CCDC170: variants seen among roughly 807,000 people sequenced by gnomAD.
The protein encoded by CCDC170 is coiled-coil domain containing 170, also known as coiled-coil domain-containing protein 170.
In CCDC170, 69 loss-of-function variants were observed where a neutral mutation model predicts 72.6. The ratio of observed to expected loss-of-function variants is 0.95; its 90% CI spans 0.78 to 1.16. The LOEUF (loss-of-function observed/expected upper bound fraction) is 1.16, where lower values mean the gene tolerates loss of function less well. CCDC170 is among the 50% of genes most tolerant of loss of function. The pLI is 0.00. For missense variants in CCDC170, 852 were observed against 832.5 expected, an observed-to-expected ratio of 1.02 and a Z score of -0.29; for synonymous variants, 300 against 303.9, an observed-to-expected ratio of 0.99 and a Z score of 0.13.
chr6:151,529,324 A>T (rs1263571608), intron 1 of CCDC170, among the ~76,000 whole-genome samples: 2 of 152,178 alleles, frequency 1.3e-5, no homozygotes, highest in Non-Finnish European at 2.9e-5. Context: ...GTCAACAGGA[A>T]TTTATGGTTT....
intron 5 of CCDC170, among the ~76,000 whole-genome samples, chr6:151,559,719 C>G (rs1219237111): frequency 6.6e-6 from 1 of 152,070 alleles, no homozygotes; most frequent in Non-Finnish European, 1.5e-5. Flanking sequence ...ATTTCTCTGG[C>G]TAGGATTTTC....
intron 4 of CCDC170, among the ~76,000 whole-genome samples, chr6:151,547,217 C>T (rs1782790504): frequency 6.6e-6 from 1 of 152,178 alleles, no homozygotes; most frequent in African/African-American, 2.4e-5. Context: ...TTAGTGAGTG[C>T]TTACTATATG....
intron 5 of CCDC170, among the ~76,000 whole-genome samples, chr6:151,566,375 C>T (rs2115080026): frequency 6.6e-6 from 1 of 152,206 alleles, no homozygotes; most frequent in South Asian, 2.1e-4. Flanking sequence ...TTCCTAAACT[C>T]TGAATGTGCA....
At chr6:151,598,443 C>T (rs188905024) in intron 9 of CCDC170, among the ~76,000 whole-genome samples, 1 of 152,106 alleles carries the variant, frequency 6.6e-6, no homozygotes, top group African/African-American at 2.4e-5. Context: ...TTCGGTTCAA[C>T]TGAGGGACAA....
chr6:151,495,410 G>A (rs1397361268), intron 1 of CCDC170, among the ~76,000 whole-genome samples: 1 of 151,050 alleles, frequency 6.6e-6, no homozygotes, highest in Non-Finnish European at 1.5e-5. Context: ...ATTTTTTTTG[G>A]TGAGCCCATT....
intron 6 of CCDC170, among the ~76,000 whole-genome samples, chr6:151,575,750 G>T (rs370147454): frequency 2.6e-5 from 4 of 151,652 alleles, no homozygotes; most frequent in Non-Finnish European, 4.4e-5. Flanking sequence ...GGATGGTCTC[G>T]ATCTCTTGAC....
intron 1 of CCDC170, among the ~76,000 whole-genome samples, chr6:151,495,095 A>T (rs1423380511): frequency 6.6e-6 from 1 of 152,204 alleles, no homozygotes; most frequent in African/African-American, 2.4e-5. Context: ...TGGGGGATGT[A>T]GTGGATTCAA....
Position 151,617,937 on chromosome 6 carries a change from G to A in CCDC170, c.1948-10G>A. 6.2e-7 allele frequency: 1 copy of A among 1,609,900 alleles called. No homozygotes were observed. Among genetic ancestry groups the A allele is most frequent in the Non-Finnish European group, 8.5e-7 (1 of 1,176,998 alleles). The stretch of plus-strand genomic sequence containing the variant: ...TCTCCCAGTTAATGAGTTTCTGTTT[G>A]ATATTGCAGCTGGCAGACTTCAGGG... On this transcript the variant is annotated splice_polypyrimidine_tract_variant and intron_variant, in intron 10 of 10. Transcript: ENST00000239374.
chr6:151,544,521 T>C, intron 3 of CCDC170, 51 bp from the exon 4 acceptor site: 1 of 1,543,770 alleles, frequency 6.5e-7, no homozygotes, highest in Non-Finnish European at 8.9e-7. Context: ...GTTTGATGAA[T>C]GTTATCTTCC....
At chr6:151,612,092 T>A (rs1776882285) in intron 9 of CCDC170, among the ~76,000 whole-genome samples, 1 of 152,182 alleles carries the variant, frequency 6.6e-6, no homozygotes. Context: ...ATGGTATAAA[T>A]AAATCTGATT....
intron 10 of CCDC170, among the ~76,000 whole-genome samples, chr6:151,617,481 A>G (rs1776989042): frequency 7.5e-6 from 1 of 133,098 alleles, no homozygotes; most frequent in Non-Finnish European, 1.5e-5. Flanking sequence ...GCCAGCTAAA[A>G]TCCCAAAGCA....
At chr6:151,537,959 T>C in intron 2 of CCDC170, 86 bp from the exon 3 acceptor site, 1 of 1,332,254 alleles carries the variant, frequency 7.5e-7, no homozygotes, top group Non-Finnish European at 1.0e-6. Context: ...GAGTGAACAT[T>C]TAAATGATGG....
chr6:151,592,814 C>T (rs144699800), intron 7 of CCDC170, among the ~76,000 whole-genome samples: 3 of 152,306 alleles, frequency 2.0e-5, no homozygotes, highest in African/African-American at 7.2e-5. Flanking sequence ...AAGATGTCAT[C>T]AAACATAGCC....
At chr6:151,546,618 C>T (rs9478216) in intron 4 of CCDC170, among the ~76,000 whole-genome samples, 1 of 152,178 alleles carries the variant, frequency 6.6e-6, no homozygotes, top group East Asian at 1.9e-4. Flanking sequence ...GCCCCTTGCC[C>T]TAAGCCCCCC....
rs567758989 is a variant in CCDC170 at position 151,547,578 on chromosome 6, G to T, written c.589-726G>T. On this transcript the variant is annotated intron_variant, in intron 4 of 10. Transcript: ENST00000239374. ...GGCACCATGTTTTCAGAGCATTGAG[G>T]CTCAAAGGTATATCACTTCCACGGA... Among the ~76,000 whole-genome samples, 11 of 152,190 alleles carry T rather than the reference G, an allele frequency of 7.2e-5. No homozygotes were observed. The East Asian group carries it at 2.1e-3, about 30-fold the overall frequency.
chr6:151,526,564 G>A (rs1409796823), intron 1 of CCDC170, among the ~76,000 whole-genome samples: 2 of 146,294 alleles, frequency 1.4e-5, no homozygotes, highest in Non-Finnish European at 3.0e-5. Context: ...TCGCCAGACT[G>A]GAGTGCAGTG....
In CCDC170 at chr6:151,494,086, G is replaced by A. The variant is rs1264346866; in HGVS notation, c.-43G>A. On this transcript the variant is annotated 5_prime_UTR_variant, in exon 1 of 11. Coordinates refer to ENST00000239374, the MANE Select transcript of CCDC170 (RefSeq NM_025059.4). ...GGCTCCCGGCGCCGCCGCTTCCTCAGGGCCGGTTCCGGGTCCGAGCGCGCC... is the reference window on the plus strand; with the variant it reads ...GGCTCCCGGCGCCGCCGCTTCCTCAAGGCCGGTTCCGGGTCCGAGCGCGCC... 1 of 1,478,858 alleles carries A rather than the reference G, an allele frequency of 6.8e-7. No individual in the cohort carries two copies. The highest frequency in any genetic ancestry group is 8.9e-7 in the Non-Finnish European group (1 of 1,121,338). The allele number at this position is 1,478,858 out of a possible 1,614,324, so 91.6% of individuals were successfully genotyped here.
chr6:151,596,930 G>A (rs1776635082), intron 9 of CCDC170, among the ~76,000 whole-genome samples: 1 of 151,944 alleles, frequency 6.6e-6, no homozygotes, highest in Non-Finnish European at 1.5e-5. Context: ...GGGTTCAAGC[G>A]ATTCTCTTGC....
At chr6:151,606,512 T>C (rs568796531) in intron 9 of CCDC170, among the ~76,000 whole-genome samples, 47 of 152,354 alleles carry the variant, frequency 3.1e-4, no homozygotes, top group African/African-American at 1.1e-3. Context: ...TTTTAAAAAA[T>C]TCGTTGAGAC....
Sources: gnomAD v4.1 joint callset for allele counts (sites outside exome capture counted in the v4.1 genomes callset) on GRCh38, gnomAD v4.1.1 for gene constraint, MANE v1.5 for transcripts, NCBI Gene and HGNC (gene_info 2026-07-23, HGNC 2026-07-21) for gene names.